NCAM2: variants seen among roughly 807,000 people sequenced by gnomAD.
The protein encoded by NCAM2 is N-CAM-2.
In NCAM2, 30 loss-of-function variants were observed where a neutral mutation model predicts 98.1. The observed-to-expected ratio is 0.31, with a 90% CI of 0.23 to 0.41. The LOEUF (loss-of-function observed/expected upper bound fraction) is 0.41. Among genes scored for constraint, NCAM2 ranks in the 10% least tolerant of loss-of-function variants. NCAM2 has a pLI of 1.00. For missense variants in NCAM2, 867 were observed against 1,005.8 expected (o/e 0.86, Z 1.87); for synonymous variants, 368 against 342.4 (o/e 1.07, Z -0.83).
chr21:21,227,671 C>G (rs1319220861), intron 1 of NCAM2, among the ~76,000 whole-genome samples: 1 of 151,720 alleles, frequency 6.6e-6, no homozygotes, highest in Non-Finnish European at 1.5e-5. Context: ...ATTTCTCTAG[C>G]AGATATGTCT....
chr21:21,179,966 A>G (rs980341612), intron 1 of NCAM2, among the ~76,000 whole-genome samples: 3 of 152,168 alleles, frequency 2.0e-5, no homozygotes, highest in Non-Finnish European at 2.9e-5. Context: ...TTCATTGTCA[A>G]CTGAACGCTG....
chr21:21,335,578 A>G lies in NCAM2; in HGVS notation c.811A>G (p.Ile271Val). The change falls in exon 7 of 18, where the codon ATA becomes GTA. Residue 271 changes from isoleucine (I) to valine (V), a missense_variant. Physicochemically the swap from Ile to Val is conservative, Grantham distance 29. Coordinates refer to ENST00000400546, the MANE Select transcript of NCAM2 (RefSeq NM_004540.5). ...GSNTELTVRN[I>V]INSDGGPYVC... The stretch of plus-strand genomic sequence containing the variant: ...CAATACAGAACTCACTGTCAGGAAC[A>G]TAATCAATAGTGATGGTGGTCCTTA... 1 of 1,611,842 alleles carries G rather than the reference A, an allele frequency of 6.2e-7. No individual in the cohort carries two copies. Among genetic ancestry groups the G allele is most frequent in the Non-Finnish European group, 8.5e-7 (1 of 1,178,876 alleles).
At chr21:21,005,820 A>AT (rs1250169734) in intron 1 of NCAM2, among the ~76,000 whole-genome samples, 1 of 151,336 alleles carries the variant, frequency 6.6e-6, no homozygotes. Flanking sequence ...CAAAAAAAAA[A>AT]CCCTAAAAAC....
At position 21,511,287 on chromosome 21, in the gene NCAM2, A is replaced by G. The variant is rs182973193; in HGVS notation, c.2282+2232A>G. Among the ~76,000 whole-genome samples, 34 of 151,984 alleles carry G rather than the reference A, an allele frequency of 2.2e-4. No individual in the cohort carries two copies. The East Asian group carries it at 2.3e-3, about 10-fold the overall frequency. On this transcript the variant is annotated intron_variant, in intron 16 of 17. Transcript: ENST00000400546. ...AATCCCCCATTCCCCCTTCCTTGTT[A>G]CCTTTGCTAGCCTCTGCTAACAATT...
intron 12 of NCAM2, among the ~76,000 whole-genome samples, chr21:21,463,219 A>G (rs1345519532): frequency 6.6e-6 from 1 of 152,076 alleles, no homozygotes; most frequent in Non-Finnish European, 1.5e-5. Context: ...TAATGTATAT[A>G]TCCTCTCATT....
chr21:21,531,798 G>C (rs1989709388), intron 16 of NCAM2, among the ~76,000 whole-genome samples: 1 of 149,036 alleles, frequency 6.7e-6, no homozygotes, highest in Non-Finnish European at 1.5e-5. Flanking sequence ...GGCTAACGCG[G>C]TGAAACCCCG....
intron 1 of NCAM2, among the ~76,000 whole-genome samples, chr21:21,118,722 A>C (rs2066613404): frequency 6.6e-6 from 1 of 151,764 alleles, no homozygotes. Context: ...TTTCCTTCCC[A>C]ATATTTCTCA....
chr21:21,412,764 A>G (rs1189270710), intron 10 of NCAM2, among the ~76,000 whole-genome samples: 1 of 152,220 alleles, frequency 6.6e-6, no homozygotes, highest in Non-Finnish European at 1.5e-5. Context: ...TGAAAAATAT[A>G]AATGTGTGAT....
chr21:21,213,302 G>A (rs1485492655), intron 1 of NCAM2, among the ~76,000 whole-genome samples: 1 of 151,964 alleles, frequency 6.6e-6, no homozygotes, highest in Admixed American at 6.5e-5. Flanking sequence ...TAAGTTTTAA[G>A]GGGGCAACTA....
At chr21:21,012,362 G>A (rs924011937) in intron 1 of NCAM2, among the ~76,000 whole-genome samples, 1 of 152,052 alleles carries the variant, frequency 6.6e-6, no homozygotes, top group African/African-American at 2.4e-5. Flanking sequence ...TCACTACAAT[G>A]ATCAATAATT....
chr21:21,453,041 A>G (rs1032328010), intron 12 of NCAM2, among the ~76,000 whole-genome samples: 3 of 116,432 alleles, frequency 2.6e-5, no homozygotes, highest in African/African-American at 9.7e-5. Context: ...AAAATAATAT[A>G]TACATATATA....
chr21:21,458,781 T>G (rs1256015821), intron 12 of NCAM2, among the ~76,000 whole-genome samples: 1 of 152,130 alleles, frequency 6.6e-6, no homozygotes, highest in Non-Finnish European at 1.5e-5. Context: ...TTGGCGTTGG[T>G]CTGCACAATG....
rs1477336848 is a variant in NCAM2 at position 21,522,091 on chromosome 21, T to C, written c.2283-12446T>C. Among the ~76,000 whole-genome samples, 8 of 148,120 alleles carry C rather than the reference T, an allele frequency of 5.4e-5. No homozygotes were observed. The Admixed American group carries it at 5.4e-4, about 10-fold the overall frequency. On this transcript the variant is annotated intron_variant, in intron 16 of 17. Coordinates refer to ENST00000400546, the MANE Select transcript of NCAM2 (RefSeq NM_004540.5). ...TATATATTTTATATATGAATCCATA[T>C]ACATGAATAAGAATATATATGAATA...
At chr21:21,071,211 C>T (rs2065555569) in intron 1 of NCAM2, among the ~76,000 whole-genome samples, 1 of 152,000 alleles carries the variant, frequency 6.6e-6, no homozygotes, top group Non-Finnish European at 1.5e-5. Context: ...GAACTTAGGA[C>T]ATGTTGTTCA....
At chr21:21,532,272 CAG>C (rs1989747076) in intron 16 of NCAM2, among the ~76,000 whole-genome samples, 1 of 151,830 alleles carries the variant, frequency 6.6e-6, no homozygotes, top group Non-Finnish European at 1.5e-5. Context: ...AGCTAAAACT[CAG>C]TGTTAGTTCA....
rs191052880 is a variant in NCAM2 at position 21,147,894 on chromosome 21, G to T, written c.56-132684G>T. Among the ~76,000 whole-genome samples, 561 of 150,898 alleles carry T rather than the reference G, an allele frequency of 3.7e-3. 4 individuals carry two copies. The highest frequency in any genetic ancestry group is 0.013 in the African/African-American group (534 of 41,158). On this transcript the variant is annotated intron_variant, in intron 1 of 17. Coordinates refer to ENST00000400546, the MANE Select transcript of NCAM2 (RefSeq NM_004540.5). ...TTTTCATTCTCTATATAATATATAG[G>T]ATAATAATAGGATGAATAACATATA...
intron 5 of NCAM2, among the ~76,000 whole-genome samples, chr21:21,307,446 A>G (rs1168863078): frequency 6.6e-6 from 1 of 152,154 alleles, no homozygotes; most frequent in Non-Finnish European, 1.5e-5. Context: ...ATTACAACAA[A>G]TTTTGTGGCT....
chr21:21,313,239 T>C (rs1465316453), intron 5 of NCAM2, among the ~76,000 whole-genome samples: 2 of 151,928 alleles, frequency 1.3e-5, no homozygotes, highest in Non-Finnish European at 2.9e-5. Context: ...TATTTTATAT[T>C]GTTTTCTTCC....
At chr21:21,153,160 G>A (rs1484657288) in intron 1 of NCAM2, among the ~76,000 whole-genome samples, 2 of 149,698 alleles carry the variant, frequency 1.3e-5, no homozygotes, top group Non-Finnish European at 3.0e-5. Context: ...GGCCAGCCAT[G>A]GAAAATTCAC....
Sources: allele counts gnomAD v4.1 joint callset (sites outside exome capture counted in the v4.1 genomes callset), GRCh38; gene constraint gnomAD v4.1.1; transcripts MANE v1.5; gene names NCBI Gene and HGNC (gene_info 2026-07-23, HGNC 2026-07-21).